Variants in HHIPL1 observed in about 807,000 individuals in gnomAD.
HHIPL1 encodes the protein HHIP-like protein 1.
In HHIPL1, 43 loss-of-function variants were observed where a neutral mutation model predicts 61.8. The ratio of observed to expected loss-of-function variants is 0.70; its 90% CI spans 0.55 to 0.90. The LOEUF (loss-of-function observed/expected upper bound fraction) is 0.90, where lower values mean the gene tolerates loss of function less well. HHIPL1 is among the 40% of genes least tolerant of loss of function. The probability of loss-of-function intolerance (pLI) is 0.00; values close to 1 mark genes in which losing one functional copy is unlikely to be tolerated. For missense variants in HHIPL1, 1,056 were observed against 1,157.7 expected (o/e 0.91, Z 1.28); for synonymous variants, 482 against 515.8 (o/e 0.93, Z 0.89).
At chr14:99,642,644 G>A (rs558205192), upstream of HHIPL1, among the ~76,000 whole-genome samples, 1 of 151,794 alleles carries the variant, frequency 6.6e-6, no homozygotes, top group African/African-American at 2.4e-5. Context: ...TCCTGCCTCG[G>A]CCTCCCAAGT....
chr14:99,636,883 A>G, the HHIPL1 span, among the ~76,000 whole-genome samples: 2 of 151,014 alleles, frequency 1.3e-5, no homozygotes, highest in African/African-American at 4.9e-5. Context: ...GCTACTTGGG[A>G]GGCTGAGGCA....
chr14:99,605,029 G>C, the HHIPL1 span, among the ~76,000 whole-genome samples: 1 of 152,178 alleles, frequency 6.6e-6, no homozygotes. Flanking sequence ...TGCCAGCCGC[G>C]TCCCGCAGCG....
chr14:99,649,059 T>C (rs990513156), intron 1 of HHIPL1, among the ~76,000 whole-genome samples: 1 of 152,216 alleles, frequency 6.6e-6, no homozygotes, highest in Non-Finnish European at 1.5e-5. Flanking sequence ...GATCATCCTC[T>C]TGCCAGCAGC....
At chr14:99,643,992 T>C (rs906327867), upstream of HHIPL1, among the ~76,000 whole-genome samples, 2 of 152,236 alleles carry the variant, frequency 1.3e-5, no homozygotes, top group African/African-American at 2.4e-5. Flanking sequence ...TATGGCTTCT[T>C]AGCCTCTTTG....
chr14:99,607,502 A>C, the HHIPL1 span, among the ~76,000 whole-genome samples: 6 of 152,228 alleles, frequency 3.9e-5, no homozygotes, highest in African/African-American at 1.2e-4. Context: ...ATTTAGAGCC[A>C]CACACATTTG....
intron 8 of HHIPL1, among the ~76,000 whole-genome samples, chr14:99,672,937 A>AATCC (rs962750390): frequency 6.6e-6 from 1 of 152,108 alleles, no homozygotes; most frequent in African/African-American, 2.4e-5. Context: ...AGAAGCAGAA[A>AATCC]ATCCCCCCAT....
chr14:99,621,089 C>A, the HHIPL1 span, among the ~76,000 whole-genome samples: 2 of 152,198 alleles, frequency 1.3e-5, no homozygotes, highest in African/African-American at 4.8e-5. Context: ...ACTTGCCCTG[C>A]TCTTTATGTT....
chr14:99,665,069 G>A (rs953350675), intron 6 of HHIPL1, among the ~76,000 whole-genome samples: 1 of 152,038 alleles, frequency 6.6e-6, no homozygotes, highest in Non-Finnish European at 1.5e-5. Flanking sequence ...GATTACTGGT[G>A]CGTGCCGCCA....
chr14:99,675,843 G>A lies in HHIPL1; in HGVS notation c.*217G>A, dbSNP rs940407376. On this transcript the variant is annotated 3_prime_UTR_variant, in exon 9 of 9. Coordinates refer to ENST00000330710, the MANE Select transcript of HHIPL1 (RefSeq NM_001127258.3). This position sits in a 1 kb window ranked among gnomAD's most constrained non-coding sequence, Gnocchi z 5.4. Reference sequence around the variant, plus strand: ...TGGGGGCGGTGTGGGCTCTGGAAGTGCATGGTCCATCATGGGCGGGAGGAG... The same window carrying A: ...TGGGGGCGGTGTGGGCTCTGGAAGTACATGGTCCATCATGGGCGGGAGGAG... 3 of 456,064 alleles carry A rather than the reference G, an allele frequency of 6.6e-6. No homozygotes were observed. The highest frequency in any genetic ancestry group is 4.1e-5 in the Admixed American group (1 of 24,440). The allele number at this position is 456,064 out of a possible 1,614,324, so 28.3% of individuals were successfully genotyped here. A position where few individuals can be genotyped will look rare whatever the true frequency, so the allele number is the denominator to read the frequency against.
In HHIPL1 at chr14:99,646,808, ATATGATATGATATG is replaced by A. The variant is rs1566804747; in HGVS notation, c.255+1347_255+1360del. On this transcript the variant is annotated intron_variant, in intron 1 of 8. Transcript: ENST00000330710. Reference sequence around the variant, plus strand: ...ATATAATATAATATGATATGATATGATATGATATGATATGATATGATATGATATAATATAATATA... The same window carrying A: ...ATATAATATAATATGATATGATATGAATATGATATGATATAATATAATATA... 9.5e-3 allele frequency among the ~76,000 whole-genome samples: 960 copies of A among 101,352 alleles called. 11 individuals carry two copies. The highest frequency in any genetic ancestry group is 0.036 in the East Asian group (141 of 3,880). The allele number at this position is 101,352 out of a possible 152,430, so 66.5% of individuals were successfully genotyped here.
Position 99,678,474 on chromosome 14 carries a change from A to C in HHIPL1, c.*2848A>C, listed in dbSNP as rs998706706. 4 of 152,254 alleles carry C rather than the reference A, an allele frequency of 2.6e-5. No individual in the cohort carries two copies. The highest frequency in any genetic ancestry group is 5.9e-5 in the Non-Finnish European group (4 of 68,046). 9.4% of individuals were successfully genotyped at this position (152,254 alleles called of 1,614,324 possible). A position where few individuals can be genotyped will look rare whatever the true frequency, so the allele number is the denominator to read the frequency against. ...TAGTGAGAGGACACCTGAACAAAGG[A>C]GGGAAGCAATTGTTAGCCCTTATGC... On this transcript the variant is annotated 3_prime_UTR_variant, in exon 9 of 9. Coordinates refer to ENST00000330710, the MANE Select transcript of HHIPL1 (RefSeq NM_001127258.3).
At chr14:99,620,349 A>G in the HHIPL1 span, among the ~76,000 whole-genome samples, 1 of 152,192 alleles carries the variant, frequency 6.6e-6, no homozygotes, top group Non-Finnish European at 1.5e-5. Flanking sequence ...GGCCTCTCCA[A>G]CCTGCTGGAC....
chr14:99,629,020 G>A, the HHIPL1 span, among the ~76,000 whole-genome samples: 3,648 of 152,302 alleles, frequency 0.024, 311 homozygotes, highest in East Asian at 0.19. Flanking sequence ...GGCACCAAGG[G>A]GCCCCCTAGC....
the HHIPL1 span, among the ~76,000 whole-genome samples, chr14:99,606,440 T>G: frequency 6.6e-6 from 1 of 152,160 alleles, no homozygotes; most frequent in Non-Finnish European, 1.5e-5. Context: ...TCCCTGGAGA[T>G]CGAAGCGTAA....
intron 2 of HHIPL1, among the ~76,000 whole-genome samples, 169 bp from the exon 3 acceptor site, chr14:99,656,831 G>T (rs1595155588): frequency 2.7e-4 from 1 of 3,670 alleles, no homozygotes; most frequent in Non-Finnish European, 1.5e-3. Flanking sequence ...AAGAAAGAAA[G>T]AAAGAAAGGA....
intron 1 of HHIPL1, among the ~76,000 whole-genome samples, chr14:99,647,042 C>T (rs1265109079): frequency 1.3e-5 from 2 of 152,042 alleles, no homozygotes; most frequent in Non-Finnish European, 2.9e-5. Context: ...GCTTGGAGCC[C>T]GAATCAAGGA....
chr14:99,654,083 G>A (rs1380254633), intron 2 of HHIPL1, among the ~76,000 whole-genome samples: 1 of 151,676 alleles, frequency 6.6e-6, no homozygotes, highest in Non-Finnish European at 1.5e-5. Flanking sequence ...CAGCTACCCG[G>A]GAGGCTGAGG....
At chr14:99,621,915 C>G in the HHIPL1 span, among the ~76,000 whole-genome samples, 1 of 151,942 alleles carries the variant, frequency 6.6e-6, no homozygotes, top group Admixed American at 6.6e-5. Context: ...CTGGGTTTCA[C>G]CGTGTTGGCC....
chr14:99,669,158 TGGGAGTCTCAG>T, intron 7 of HHIPL1: 3 of 1,348,704 alleles, frequency 2.2e-6, no homozygotes, highest in Non-Finnish European at 2.9e-6. Context: ...CCAGCTGCTC[TGGGAGTCTCAG>T]GGCCAAGCCT....
Sources: allele counts gnomAD v4.1 joint callset (sites outside exome capture counted in the v4.1 genomes callset), GRCh38; gene constraint gnomAD v4.1.1; non-coding constraint Gnocchi (gnomAD v3.1); transcripts MANE v1.5; gene names NCBI Gene and HGNC (gene_info 2026-07-23, HGNC 2026-07-21).